PHF12: variants seen among roughly 807,000 people sequenced by gnomAD.
The protein encoded by PHF12 is PHD finger protein 12.
A neutral mutation model predicts 99.8 loss-of-function variants in PHF12; 6 were observed. That is an observed-to-expected ratio of 0.06 (90% confidence interval 0.03 to 0.12). PHF12 has a LOEUF of 0.12. Ranked by LOEUF, PHF12 falls within the 10% of genes least tolerant of loss-of-function variation. The pLI is 1.00. For synonymous variants in PHF12, 480 were observed against 514.9 expected (o/e 0.93, Z 0.92); for missense variants, 954 against 1,300.1 (o/e 0.73, Z 4.09).
chr17:28,914,107 G>A, intron 7 of PHF12, 70 bp from the exon 8 acceptor site: 5 of 1,486,740 alleles, frequency 3.4e-6, no homozygotes, highest in Non-Finnish European at 4.6e-6. Flanking sequence ...TTCTGCCCTG[G>A]TATGCTGTTC....
chr17:28,951,307 A>C lies in PHF12; in HGVS notation c.-347T>G. The C allele has an allele frequency of 1.8e-6, 2 of 1,092,070 alleles. No individual in the cohort carries two copies. The highest frequency in any genetic ancestry group is 2.2e-6 in the Non-Finnish European group (2 of 895,704). The allele number at this position is 1,092,070 out of a possible 1,614,324, so 67.6% of individuals were successfully genotyped here. A position where few individuals can be genotyped will look rare whatever the true frequency, so the allele number is the denominator to read the frequency against. On this transcript the variant is annotated 5_prime_UTR_variant, in exon 1 of 15. It removes an upstream start codon present in the reference 5' UTR. Transcript: ENST00000332830. ...GCCGGGAAGGCTGGCGGGCGCTGCC[A>C]TCCCGGGGCTGGGGGTATCGGAGGG...
intron 4 of PHF12, among the ~76,000 whole-genome samples, chr17:28,922,993 T>C (rs1441332006): frequency 2.0e-5 from 3 of 151,922 alleles, no homozygotes; most frequent in Non-Finnish European, 4.4e-5. Flanking sequence ...GGTGGGAGGA[T>C]TGCTTGAGCT....
In PHF12 at chr17:28,948,903, A is replaced by T. The variant is rs75705131; in HGVS notation, c.248+1162T>A. ...CAACAGAACGAGACCCAGTAGAACA[A>T]GACGAAATCTGGGTTTGCTGCCGCA... On this transcript the variant is annotated intron_variant, in intron 2 of 14. Coordinates refer to ENST00000332830, the MANE Select transcript of PHF12 (RefSeq NM_001033561.2). 8.7e-4 allele frequency among the ~76,000 whole-genome samples: 132 copies of T among 152,328 alleles called. 2 individuals carry two copies. Among genetic ancestry groups the T allele is most frequent in the African/African-American group, 3.0e-3 (126 of 41,578 alleles).
chr17:28,919,507 C>T (rs532555232), intron 5 of PHF12, among the ~76,000 whole-genome samples: 3 of 152,070 alleles, frequency 2.0e-5, no homozygotes, highest in African/African-American at 7.3e-5. Context: ...CCGAGGTGGG[C>T]GGATTGCCTG....
intron 4 of PHF12, among the ~76,000 whole-genome samples, chr17:28,923,610 A>T (rs1340513084): frequency 7.3e-6 from 1 of 136,886 alleles, no homozygotes; most frequent in African/African-American, 2.8e-5. Context: ...ATGAGCCGAG[A>T]TCGTGCCACT....
At position 28,925,351 on chromosome 17, in the gene PHF12, T is replaced by C. The variant is rs180975271; in HGVS notation, c.322-1049A>G. ...GGGTCATATATACGAAAGGGATAATTTGGAGTTGGAGTAGGACCTAGTCTT... is the reference window on the plus strand; with the variant it reads ...GGGTCATATATACGAAAGGGATAATCTGGAGTTGGAGTAGGACCTAGTCTT... On this transcript the variant is annotated intron_variant, in intron 3 of 14. Coordinates refer to ENST00000332830, the MANE Select transcript of PHF12 (RefSeq NM_001033561.2). 22 of 152,178 alleles carry C rather than the reference T, an allele frequency of 1.4e-4. 1 individual carries two copies. The highest frequency in any genetic ancestry group is 4.6e-4 in the African/African-American group (19 of 41,422). The allele number at this position is 152,178 out of a possible 1,614,324, so 9.4% of individuals were successfully genotyped here.
intron 2 of PHF12, among the ~76,000 whole-genome samples, chr17:28,930,923 T>C (rs1223999742): frequency 6.6e-6 from 1 of 152,074 alleles, no homozygotes. Context: ...ATACAAAAAA[T>C]TAGCCAGGTG....
intron 6 of PHF12, among the ~76,000 whole-genome samples, chr17:28,918,060 GAAGAGT>G (rs901781038): frequency 2.6e-5 from 4 of 152,190 alleles, no homozygotes; most frequent in African/African-American, 4.8e-5. Flanking sequence ...AGAAAAGAAA[GAAGAGT>G]TTCTGCAATA....
At position 28,909,849 on chromosome 17, in the gene PHF12, C is replaced by T. The variant is rs2039928361; in HGVS notation, c.2359+377G>A. On this transcript the variant is annotated intron_variant, in intron 11 of 14. Transcript: ENST00000332830. ...CAAGTGATCCTCCCGCCTCAGCCTC[C>T]CAAAGTGCTGGGATTACAGGTGTGA... is the stretch of plus-strand genomic sequence containing the variant. 3.7e-5 allele frequency: 21 copies of T among 571,822 alleles called. No individual in the cohort carries two copies. The South Asian group carries it at 4.5e-4, about 12-fold the overall frequency. 35.4% of individuals were successfully genotyped at this position (571,822 alleles called of 1,614,324 possible).
rs1304864589 is a variant in PHF12 at position 28,926,813 on chromosome 17, G to A, written c.321+178C>T. Reference sequence around the variant, plus strand: ...TGCCCATTTCAGCAGCCCATGTTTGGATTTTTAGGCCCTACTGGATTCCAA... The same window carrying A: ...TGCCCATTTCAGCAGCCCATGTTTGAATTTTTAGGCCCTACTGGATTCCAA... On this transcript the variant is annotated intron_variant, in intron 3 of 14. Transcript: ENST00000332830. 3 of 1,533,228 alleles carry A rather than the reference G, an allele frequency of 2.0e-6. No individual in the cohort carries two copies. The African/African-American group carries it at 4.1e-5, about 21-fold the overall frequency. The allele number at this position is 1,533,228 out of a possible 1,614,324, so 95.0% of individuals were successfully genotyped here.
At chr17:28,934,882 T>C (rs910458852) in intron 2 of PHF12, among the ~76,000 whole-genome samples, 1 of 152,246 alleles carries the variant, frequency 6.6e-6, no homozygotes, top group African/African-American at 2.4e-5. Flanking sequence ...ATTACAGGCG[T>C]AAGCCACTGT....
Position 28,939,298 on chromosome 17 carries a change from T to C in PHF12, c.248+10767A>G, listed in dbSNP as rs1376105993. On this transcript the variant is annotated intron_variant, in intron 2 of 14. Coordinates refer to ENST00000332830, the MANE Select transcript of PHF12 (RefSeq NM_001033561.2). ...AGCCAAAATTACTGACAACTCTCTC[T>C]ACATTTTAGATGATGCTTTTGCAAA... Among the ~76,000 whole-genome samples the C allele has an allele frequency of 3.3e-5, 5 of 152,360 alleles. No individual in the cohort carries two copies. The East Asian group carries it at 9.6e-4, about 29-fold the overall frequency.
Position 28,913,732 on chromosome 17 carries a change from T to A in PHF12, c.1293+147A>T, listed in dbSNP as rs184468948. 3.4e-5 allele frequency: 40 copies of A among 1,179,150 alleles called. No individual in the cohort carries two copies. The East Asian group carries it at 9.2e-4, about 27-fold the overall frequency. 73.0% of individuals were successfully genotyped at this position (1,179,150 alleles called of 1,614,324 possible). On this transcript the variant is annotated intron_variant, in intron 8 of 14. Coordinates refer to ENST00000332830, the MANE Select transcript of PHF12 (RefSeq NM_001033561.2). Reference sequence around the variant, plus strand: ...TTGCCTTTGGGATTTGAGCCAGAAGTTCCCCCTGGAATACTCAACTCTTGA... The same window carrying A: ...TTGCCTTTGGGATTTGAGCCAGAAGATCCCCCTGGAATACTCAACTCTTGA...
Position 28,906,787 on chromosome 17 carries a change from G to T in PHF12, c.2680+69C>A. The T allele has an allele frequency of 6.6e-7, 1 of 1,524,854 alleles. No homozygotes were observed. Among genetic ancestry groups the T allele is most frequent in the Non-Finnish European group, 8.9e-7 (1 of 1,128,376 alleles). The allele number at this position is 1,524,854 out of a possible 1,614,324, so 94.5% of individuals were successfully genotyped here. A position where few individuals can be genotyped will look rare whatever the true frequency, so the allele number is the denominator to read the frequency against. On this transcript the variant is annotated intron_variant, in intron 14 of 14. Coordinates refer to ENST00000332830, the MANE Select transcript of PHF12 (RefSeq NM_001033561.2). The surrounding 1 kb of genome is among the most constrained non-coding windows in gnomAD (Gnocchi z 4.2). ...ACTGGGAAGGCAAGAGACAGACCAT[G>T]GGCAGCAAGTCAGAACCACCCTGAC...
intron 2 of PHF12, among the ~76,000 whole-genome samples, chr17:28,934,410 A>G (rs1485831216): frequency 6.6e-6 from 1 of 152,142 alleles, no homozygotes; most frequent in Non-Finnish European, 1.5e-5. Context: ...GTGAGCCTTT[A>G]AAGACAGTGA....
At position 28,950,023 on chromosome 17, in the gene PHF12, A is replaced by C. The variant is rs368474521; in HGVS notation, c.248+42T>G. The C allele has an allele frequency of 1.3e-6, 2 of 1,523,440 alleles. No homozygotes were observed. The highest frequency in any genetic ancestry group is 2.0e-5 in the Admixed American group (1 of 50,274). 94.4% of individuals were successfully genotyped at this position (1,523,440 alleles called of 1,614,324 possible). A position where few individuals can be genotyped will look rare whatever the true frequency, so the allele number is the denominator to read the frequency against. ...AGGCCGGGTGAAGGAATGCGCAGAG[A>C]AGGGTCCGCCAAGAAGCTCCAAAAG... On this transcript the variant is annotated intron_variant, in intron 2 of 14. Coordinates refer to ENST00000332830, the MANE Select transcript of PHF12 (RefSeq NM_001033561.2). This position sits in a 1 kb window ranked among gnomAD's most constrained non-coding sequence, Gnocchi z 5.7.
At position 28,950,921 on chromosome 17, in the gene PHF12, A is replaced by T. The variant is rs1443835410; in HGVS notation, c.40T>A (p.Leu14Met). ...KMETKTIVYD[L>M]DTSGGLMEQI... ...TCCATCAGCCCCCCTGATGTGTCCA[A>T]GTCGTACACGATCGTCTTGGTCTCC... is the stretch of plus-strand genomic sequence containing the variant. Residue 14 changes from leucine to methionine, a missense_variant, in exon 1 of 15, where the codon TTG (leucine) becomes ATG (methionine). Transcript: ENST00000332830. The surrounding 1 kb of genome is among the most constrained non-coding windows in gnomAD (Gnocchi z 5.7). 1.9e-6 allele frequency: 3 copies of T among 1,613,986 alleles called. No individual in the cohort carries two copies. Among genetic ancestry groups the T allele is most frequent in the Non-Finnish European group, 2.5e-6 (3 of 1,179,914 alleles).
rs1491183033 is a variant in PHF12, at chr17:28,923,651, C to CAAAAAAAAA, written c.715+257_715+258insTTTTTTTTT. On this transcript the variant is annotated intron_variant, in intron 4 of 14. Transcript: ENST00000332830. Reference sequence around the variant, plus strand: ...CTAGCCTGAGTGACAAAGTGAGACTCACAAAAAAAAAAAAAAAAAAAAAAG... The same window carrying CAAAAAAAAA: ...CTAGCCTGAGTGACAAAGTGAGACTCAAAAAAAAAACAAAAAAAAAAAAAAAAAAAAAAG... 5.5e-4 allele frequency among the ~76,000 whole-genome samples: 12 copies of CAAAAAAAAA among 21,966 alleles called. 2 individuals are homozygous for CAAAAAAAAA. The highest frequency in any genetic ancestry group is 2.1e-3 in the African/African-American group (9 of 4,342). 14.4% of individuals were successfully genotyped at this position (21,966 alleles called of 152,430 possible).
At chr17:28,908,692 C>T (rs2152655444) in intron 12 of PHF12, 91 bp downstream of exon 12, 2 of 1,277,686 alleles carry the variant, frequency 1.6e-6, no homozygotes, top group East Asian at 4.8e-5. Context: ...GAAAGGGCTT[C>T]CCTCACCCCT....
Sources: allele counts gnomAD v4.1 joint callset (sites outside exome capture counted in the v4.1 genomes callset), GRCh38; gene constraint gnomAD v4.1.1; non-coding constraint Gnocchi (gnomAD v3.1); transcripts MANE v1.5; gene names NCBI Gene and HGNC (gene_info 2026-07-23, HGNC 2026-07-21).